COMMD10: variants seen among roughly 807,000 people sequenced by gnomAD.
The protein encoded by COMMD10 is COMM domain containing 10.
Under a neutral mutation model 28.9 loss-of-function variants are expected in COMMD10, and 33 were observed. The ratio of observed to expected loss-of-function variants is 1.14; its 90% CI spans 0.87 to 1.53. COMMD10 has a LOEUF of 1.53. Ranked by LOEUF, COMMD10 falls within the 40% of genes most tolerant of loss-of-function variation. The pLI is 0.00. For missense variants in COMMD10, 310 were observed against 233.4 expected, an observed-to-expected ratio of 1.33 and a Z score of -2.14; for synonymous variants, 110 against 81.7, an observed-to-expected ratio of 1.35 and a Z score of -1.87.
chr5:116,236,549 G>A (rs991185996), intron 5 of COMMD10, among the ~76,000 whole-genome samples: 21 of 149,188 alleles, frequency 1.4e-4, no homozygotes, highest in Non-Finnish European at 1.9e-4. Flanking sequence ...GGCCGTGAAA[G>A]GACATGGAGA....
intron 5 of COMMD10, among the ~76,000 whole-genome samples, chr5:116,140,244 T>TGTGG (rs1752157109): frequency 6.6e-6 from 1 of 151,686 alleles, no homozygotes; most frequent in Middle Eastern, 3.4e-3. Flanking sequence ...TGTGTGTGTG[T>TGTGG]GTGTGTGTGT....
intron 5 of COMMD10, among the ~76,000 whole-genome samples, chr5:116,140,452 C>A (rs1752164027): frequency 6.6e-6 from 1 of 151,616 alleles, no homozygotes; most frequent in Non-Finnish European, 1.5e-5. Flanking sequence ...ATATACCAAG[C>A]AGGAGATTCC....
intron 5 of COMMD10, among the ~76,000 whole-genome samples, chr5:116,140,169 C>T (rs964889992): frequency 1.3e-5 from 2 of 151,130 alleles, no homozygotes; most frequent in African/African-American, 4.9e-5. Context: ...TAATGTCCTC[C>T]AGATTCATCC....
Position 116,119,060 on chromosome 5 carries a change from C to T in COMMD10, c.400-15008C>T, listed in dbSNP as rs144254252. Among the ~76,000 whole-genome samples, 684 of 152,210 alleles carry T rather than the reference C, an allele frequency of 4.5e-3. 5 individuals are homozygous for T. The highest frequency in any genetic ancestry group is 6.8e-3 in the Non-Finnish European group (460 of 68,004). ...CATTTGTTGAATGACATTTCAGTGT[C>T]CTCAAACTTGTGCTATTATCTTCAT... On this transcript the variant is annotated intron_variant, in intron 4 of 6. Coordinates refer to ENST00000274458, the MANE Select transcript of COMMD10 (RefSeq NM_016144.4).
Position 116,276,216 on chromosome 5 carries a change from AT to A in COMMD10, c.511-15300del, listed in dbSNP as rs535449858. 2.0e-4 allele frequency among the ~76,000 whole-genome samples: 31 copies of A among 151,758 alleles called. 1 individual carries two copies. The East Asian group carries it at 4.5e-3, about 22-fold the overall frequency. ...TAAAAATTAATTTCAAATAAAATAT[AT>A]ATAAGCATGTGAAGCATGATTGAGA... On this transcript the variant is annotated intron_variant, in intron 5 of 6. Transcript: ENST00000274458.
chr5:116,190,993 ACCCTGTT>A (rs1748352400), intron 5 of COMMD10, among the ~76,000 whole-genome samples: 1 of 152,160 alleles, frequency 6.6e-6, no homozygotes, highest in African/African-American at 2.4e-5. Context: ...TACATTTTAC[ACCCTGTT>A]GCCTTACATA....
chr5:116,267,636 G>A (rs992913218), intron 5 of COMMD10, among the ~76,000 whole-genome samples: 3 of 151,876 alleles, frequency 2.0e-5, no homozygotes, highest in Non-Finnish European at 2.9e-5. Context: ...AGCCTGCATT[G>A]CCAAGACAAT....
chr5:116,099,676 G>A (rs983484794), intron 4 of COMMD10, among the ~76,000 whole-genome samples: 4 of 152,020 alleles, frequency 2.6e-5, no homozygotes, highest in Non-Finnish European at 5.9e-5. Context: ...CTTTTGATTT[G>A]CATTTCTTTG....
rs1367434590 is a variant in COMMD10 at position 116,086,458 on chromosome 5, TC to T, written c.42-1038del. ...TGGGAGGCTGAGGCGGGCTAATCTC[TC>T]TCTCTTTTTTTTCCCTGAGAGGGCG... On this transcript the variant is annotated intron_variant, in intron 1 of 6. Coordinates refer to ENST00000274458, the MANE Select transcript of COMMD10 (RefSeq NM_016144.4). 4.2e-4 allele frequency among the ~76,000 whole-genome samples: 44 copies of T among 105,850 alleles called. No homozygotes were observed. In the East Asian group the frequency reaches 9.6e-3, roughly 23 times the overall value. 69.4% of individuals were successfully genotyped at this position (105,850 alleles called of 152,430 possible).
intron 5 of COMMD10, among the ~76,000 whole-genome samples, chr5:116,176,787 C>T (rs775509352): frequency 6.6e-6 from 1 of 151,934 alleles, no homozygotes; most frequent in African/African-American, 2.4e-5. Context: ...AATAAGGAGA[C>T]AGAAACCACA....
intron 5 of COMMD10, among the ~76,000 whole-genome samples, chr5:116,185,732 G>T (rs1472883864): frequency 7.9e-5 from 12 of 152,122 alleles, no homozygotes; most frequent in Non-Finnish European, 1.5e-4. Context: ...TTTGAGCCTT[G>T]ATTACAAATT....
At chr5:116,247,992 T>C (rs1749998610) in intron 5 of COMMD10, among the ~76,000 whole-genome samples, 1 of 151,928 alleles carries the variant, frequency 6.6e-6, no homozygotes, top group Non-Finnish European at 1.5e-5. Flanking sequence ...TATCAAAATT[T>C]TATGCAATAC....
At chr5:116,198,822 G>A (rs1748592544) in intron 5 of COMMD10, among the ~76,000 whole-genome samples, 1 of 151,874 alleles carries the variant, frequency 6.6e-6, no homozygotes, top group Non-Finnish European at 1.5e-5. Flanking sequence ...ATAATCTCTT[G>A]TCTGAAGGTA....
At chr5:116,285,562 G>A (rs1205878219) in intron 5 of COMMD10, among the ~76,000 whole-genome samples, 1 of 151,950 alleles carries the variant, frequency 6.6e-6, no homozygotes, top group Admixed American at 6.6e-5. Flanking sequence ...AAATGGCAAT[G>A]ATTATGACAG....
intron 5 of COMMD10, among the ~76,000 whole-genome samples, chr5:116,193,928 C>G (rs1020408102): frequency 6.6e-6 from 1 of 152,006 alleles, no homozygotes; most frequent in Non-Finnish European, 1.5e-5. Flanking sequence ...TAAAATGAGC[C>G]TCAATAAATT....
intron 5 of COMMD10, among the ~76,000 whole-genome samples, chr5:116,161,312 T>G (rs1477200764): frequency 6.6e-6 from 1 of 152,182 alleles, no homozygotes; most frequent in Non-Finnish European, 1.5e-5. Context: ...TTGACTAAGA[T>G]AATGGATATA....
At chr5:116,131,144 A>G (rs1227352545) in intron 4 of COMMD10, among the ~76,000 whole-genome samples, 1 of 151,936 alleles carries the variant, frequency 6.6e-6, no homozygotes, top group Non-Finnish European at 1.5e-5. Context: ...TTAACCCTTT[A>G]CAACTTAGTG....
intron 5 of COMMD10, among the ~76,000 whole-genome samples, chr5:116,148,698 C>CA (rs776089996): frequency 1.1e-4 from 16 of 151,358 alleles, no homozygotes; most frequent in Non-Finnish European, 1.9e-4. Flanking sequence ...CATGAGCAAT[C>CA]AAAGAGAAAA....
Position 116,085,062 on chromosome 5 carries a change from C to G in COMMD10, c.10C>G (p.Pro4Ala). ...TGCGAGAAAGCCGAAGATGGCGGTC[C>G]CCGCGGCGCTGATCCTACGGGAGAG... MAV[P>A]AALILRESPS... is the part of the protein sequence containing the mutation. The change falls in exon 1 of 7, where the codon CCC becomes GCC. Residue 4 changes from proline to alanine, a missense_variant. By Grantham distance (27) the Pro-to-Ala change is conservative. Coordinates refer to ENST00000274458, the MANE Select transcript of COMMD10 (RefSeq NM_016144.4). 6.2e-7 allele frequency: 1 copy of G among 1,609,450 alleles called. No individual in the cohort carries two copies. Among genetic ancestry groups the G allele is most frequent in the East Asian group, 2.2e-5 (1 of 44,682 alleles).
Sources: gnomAD v4.1 joint callset for allele counts (sites outside exome capture counted in the v4.1 genomes callset) on GRCh38, gnomAD v4.1.1 for gene constraint, MANE v1.5 for transcripts, NCBI Gene and HGNC (gene_info 2026-07-23, HGNC 2026-07-21) for gene names.